Variants in RBMS3 observed in about 807,000 individuals in gnomAD.
RBMS3 encodes RNA-binding motif, single-stranded-interacting protein 3.
A neutral mutation model predicts 66.8 loss-of-function variants in RBMS3; 27 were observed. The observed-to-expected ratio is 0.40, with a 90% CI of 0.30 to 0.56. The LOEUF (loss-of-function observed/expected upper bound fraction) is 0.56, where lower values mean the gene tolerates loss of function less well. Among genes scored for constraint, RBMS3 ranks in the 20% least tolerant of loss-of-function variants. The pLI, the probability that RBMS3 is intolerant of heterozygous loss-of-function variation, is 0.40. For missense variants in RBMS3, 513 were observed against 549.5 expected (o/e 0.93, Z 0.66); for synonymous variants, 188 against 183.0 (o/e 1.03, Z -0.22).
At chr3:29,721,268 CT>C in intron 4 of RBMS3, among the ~76,000 whole-genome samples, 1 of 152,144 alleles carries the variant, frequency 6.6e-6, no homozygotes, top group East Asian at 1.9e-4. Flanking sequence ...TGTAAGGACT[CT>C]TTAATGATAA....
intron 2 of RBMS3, among the ~76,000 whole-genome samples, chr3:29,460,975 C>A (rs550326995): frequency 5.0e-4 from 76 of 152,264 alleles, no homozygotes; most frequent in African/African-American, 1.7e-3. Flanking sequence ...GAATGGTTTG[C>A]TTTGTTTTAT....
intron 1 of RBMS3, among the ~76,000 whole-genome samples, chr3:29,282,721 C>T (rs1303497342): frequency 2.0e-5 from 3 of 152,058 alleles, no homozygotes; most frequent in Admixed American, 1.3e-4. Context: ...AGCCAGACTC[C>T]ACCGTCTCCT....
intron 3 of RBMS3, among the ~76,000 whole-genome samples, chr3:29,504,142 AT>A (rs1371501195): frequency 6.6e-6 from 1 of 152,062 alleles, no homozygotes; most frequent in Non-Finnish European, 1.5e-5. Context: ...TAGAGAGGAA[AT>A]TCTTCCCTCT....
chr3:29,832,768 A>G (rs1485755684), intron 6 of RBMS3, among the ~76,000 whole-genome samples: 2 of 152,152 alleles, frequency 1.3e-5, no homozygotes, highest in Admixed American at 1.3e-4. Flanking sequence ...ACCACTCTAC[A>G]GACTCCCTGA....
At chr3:29,457,853 G>T (rs1311828435) in intron 2 of RBMS3, among the ~76,000 whole-genome samples, 2 of 139,734 alleles carry the variant, frequency 1.4e-5, no homozygotes, top group African/African-American at 2.7e-5. Flanking sequence ...TTGACATTAA[G>T]CCCTCACCTC....
At chr3:29,454,664 T>G (rs148888741) in intron 2 of RBMS3, among the ~76,000 whole-genome samples, 73 of 152,296 alleles carry the variant, frequency 4.8e-4, no homozygotes, top group African/African-American at 1.7e-3. Flanking sequence ...ATGAAGTAAG[T>G]AGAATGAGAG....
chr3:29,435,075 T>C (rs1334093891), intron 2 of RBMS3, 160 bp downstream of exon 2: 1 of 798,326 alleles, frequency 1.3e-6, no homozygotes, highest in African/African-American at 1.8e-5. Flanking sequence ...GCTAGTTTAT[T>C]TTGGGGAGTG....
chr3:29,345,176 C>G (rs1002332476), intron 1 of RBMS3, among the ~76,000 whole-genome samples: 1 of 152,148 alleles, frequency 6.6e-6, no homozygotes, highest in Non-Finnish European at 1.5e-5. Context: ...TCTATACTTC[C>G]TTTATTATTT....
intron 3 of RBMS3, among the ~76,000 whole-genome samples, chr3:29,564,781 A>G (rs1216518306): frequency 6.6e-6 from 1 of 152,172 alleles, no homozygotes; most frequent in Non-Finnish European, 1.5e-5. Context: ...ATGTTTCAGA[A>G]TAGAATTCAT....
chr3:29,884,653 A>C (rs1291697806), intron 8 of RBMS3, among the ~76,000 whole-genome samples: 1 of 151,834 alleles, frequency 6.6e-6, no homozygotes, highest in Non-Finnish European at 1.5e-5. Context: ...TTGGTAACTC[A>C]GGTGATTGCA....
At chr3:29,660,224 G>A (rs2050486840) in intron 4 of RBMS3, among the ~76,000 whole-genome samples, 1 of 151,746 alleles carries the variant, frequency 6.6e-6, no homozygotes, top group Non-Finnish European at 1.5e-5. Context: ...ATATTTGATG[G>A]TCTGTTATTA....
chr3:29,332,494 T>G (rs1308417605), intron 1 of RBMS3, among the ~76,000 whole-genome samples: 3 of 152,290 alleles, frequency 2.0e-5, no homozygotes, highest in Middle Eastern at 3.4e-3. Context: ...AATGCTGACC[T>G]GAATATAATG....
intron 3 of RBMS3, among the ~76,000 whole-genome samples, chr3:29,548,004 A>G (rs2046030800): frequency 6.6e-6 from 1 of 151,894 alleles, no homozygotes; most frequent in Non-Finnish European, 1.5e-5. Context: ...ATGTTGGCCA[A>G]GGCTGGTCTC....
intron 4 of RBMS3, among the ~76,000 whole-genome samples, chr3:29,613,556 T>C (rs560583494): frequency 6.6e-6 from 1 of 152,106 alleles, no homozygotes; most frequent in Non-Finnish European, 1.5e-5. Flanking sequence ...TCATACTTTA[T>C]GATAAAATAG....
chr3:29,317,133 A>G (rs541957120), intron 1 of RBMS3, among the ~76,000 whole-genome samples: 1 of 151,912 alleles, frequency 6.6e-6, no homozygotes, highest in African/African-American at 2.4e-5. Flanking sequence ...TCAAAATATG[A>G]TAGATCTAAA....
At chr3:29,725,647 A>G (rs931932013) in intron 4 of RBMS3, among the ~76,000 whole-genome samples, 1 of 152,210 alleles carries the variant, frequency 6.6e-6, no homozygotes, top group Admixed American at 6.5e-5. Flanking sequence ...CATCATCCCA[A>G]GACTAAACCA....
chr3:29,592,486 A>G (rs2047776725), intron 4 of RBMS3, among the ~76,000 whole-genome samples: 1 of 152,214 alleles, frequency 6.6e-6, no homozygotes, highest in Non-Finnish European at 1.5e-5. Flanking sequence ...TAGAATGGCA[A>G]TTATTAAAAA....
intron 3 of RBMS3, among the ~76,000 whole-genome samples, chr3:29,527,181 T>TAAAAAAAAAAAAA (rs538907247): frequency 9.1e-5 from 8 of 87,826 alleles, no homozygotes; most frequent in African/African-American, 3.3e-4. Flanking sequence ...TTAGGTAGAG[T>TAAAAAAAAAAAAA]AAAAAAAAAA....
chr3:29,306,140 G>A (rs1011852697), intron 1 of RBMS3, among the ~76,000 whole-genome samples: 2 of 151,858 alleles, frequency 1.3e-5, no homozygotes, highest in African/African-American at 4.8e-5. Context: ...TGCATGTACG[G>A]CATCTAGTGT....
Sources: gnomAD v4.1 joint callset for allele counts (sites outside exome capture counted in the v4.1 genomes callset) on GRCh38, gnomAD v4.1.1 for gene constraint, MANE v1.5 for transcripts, NCBI Gene and HGNC (gene_info 2026-07-23, HGNC 2026-07-21) for gene names.